Variants in DNAH7 observed in about 807,000 individuals in gnomAD.
DNAH7 encodes the protein dynein axonemal heavy chain 7.
In DNAH7, 397 loss-of-function variants were observed where a neutral mutation model predicts 444.6. That is an observed-to-expected ratio of 0.89 (90% CI 0.82 to 0.97). The LOEUF (loss-of-function observed/expected upper bound fraction) is 0.97. Among genes scored for constraint, DNAH7 ranks in the 50% least tolerant of loss-of-function variants. The pLI, the probability that DNAH7 is intolerant of heterozygous loss-of-function variation, is 0.00. For missense variants in DNAH7, 4,902 were observed against 4,800.8 expected (o/e 1.02, Z -0.62); for synonymous variants, 1,636 against 1,624.4 (o/e 1.01, Z -0.17).
At chr2:195,882,134 C>G in intron 35 of DNAH7, 142 bp from the exon 36 acceptor site, 1 of 642,546 alleles carries the variant, frequency 1.6e-6, no homozygotes, top group Non-Finnish European at 2.6e-6. Flanking sequence ...ACTTTACACT[C>G]AGTTTGAAGG....
At chr2:195,755,526 CTG>C (rs2105910864) in intron 62 of DNAH7, among the ~76,000 whole-genome samples, 1 of 152,302 alleles carries the variant, frequency 6.6e-6, no homozygotes, top group South Asian at 2.1e-4. Context: ...TTAGTATTGA[CTG>C]TAGCATAACA....
chr2:195,763,803 T>C (rs1694451597), intron 61 of DNAH7, among the ~76,000 whole-genome samples: 3 of 151,856 alleles, frequency 2.0e-5, no homozygotes, highest in Admixed American at 2.0e-4. Context: ...CTACCAAACA[T>C]TTAAAGAAGA....
intron 58 of DNAH7, among the ~76,000 whole-genome samples, chr2:195,784,672 A>G (rs1265534729): frequency 1.4e-4 from 22 of 152,200 alleles, no homozygotes; most frequent in Admixed American, 1.4e-3. Context: ...AGAAACTGCT[A>G]AAGTATCTTC....
chr2:195,853,422 T>C lies in DNAH7; in HGVS notation c.8702A>G (p.Tyr2901Cys). ...GAGGATATCCCCAGTCAAGTTGATGTACAGCTGACCTAGCTCCAGAGCTGT... is the reference window on the plus strand; with the variant it reads ...GAGGATATCCCCAGTCAAGTTGATGCACAGCTGACCTAGCTCCAGAGCTGT... ...SHTALELGQL[Y>C]INLTGDILIS... The change falls in exon 46 of 65, where the codon TAC becomes TGC. Residue 2901 changes from tyrosine to cysteine, a missense_variant. Tyr to Cys is a radical substitution (Grantham distance 194). Transcript: ENST00000312428. The C allele has an allele frequency of 1.2e-6, 2 of 1,614,182 alleles. No homozygotes were observed. Among genetic ancestry groups the C allele is most frequent in the Non-Finnish European group, 8.5e-7 (1 of 1,180,020 alleles).
intron 2 of DNAH7, 91 bp downstream of exon 2, chr2:196,057,963 C>T: frequency 1.9e-6 from 2 of 1,064,954 alleles, no homozygotes. Flanking sequence ...AATTTAAAAT[C>T]AGAAATTCAG....
At position 195,900,706 on chromosome 2, in the gene DNAH7, TAAAAG is replaced by T. The variant is rs1304302021; in HGVS notation, c.4336-217_4336-213del. 15 of 479,122 alleles carry T rather than the reference TAAAAG, an allele frequency of 3.1e-5. No homozygotes were observed. The East Asian group carries it at 5.5e-4, about 18-fold the overall frequency. 29.7% of individuals were successfully genotyped at this position (479,122 alleles called of 1,614,324 possible). ...TAACAAATGCAAAATTTCAGGTACA[TAAAAG>T]AAATAAATTCTAGTGTACTGTAGCA... On this transcript the variant is annotated intron_variant, in intron 27 of 64. Transcript: ENST00000312428.
At chr2:195,956,238 T>C (rs1034466627) in intron 19 of DNAH7, among the ~76,000 whole-genome samples, 2 of 152,338 alleles carry the variant, frequency 1.3e-5, no homozygotes, top group African/African-American at 4.8e-5. Flanking sequence ...TCCTACCTTA[T>C]AGTATTATAT....
intron 41 of DNAH7, among the ~76,000 whole-genome samples, chr2:195,863,277 A>G (rs573287436): frequency 3.9e-5 from 6 of 152,268 alleles, no homozygotes; most frequent in Non-Finnish European, 8.8e-5. Flanking sequence ...GAGGTTCTGT[A>G]AACTTTCCAA....
chr2:195,954,092 A>G (rs945037908), intron 19 of DNAH7, among the ~76,000 whole-genome samples: 2 of 152,084 alleles, frequency 1.3e-5, no homozygotes, highest in Admixed American at 6.6e-5. Context: ...TTTGTTACAT[A>G]TGTATACATG....
At position 195,957,410 on chromosome 2, in the gene DNAH7, G is replaced by A; in HGVS notation, c.2929C>T (p.Leu977=). The change falls in exon 19 of 65, where the codon CTG becomes TTG. Residue 977 remains leucine (L), a synonymous_variant. Coordinates refer to ENST00000312428, the MANE Select transcript of DNAH7 (RefSeq NM_018897.3). ...GCTTGGACTTTGAGCCATTCATCCA[G>A]AATCTCCTGAAGCAGTAGGAGCTTG... ...EGKLLLLQEI[L]DEWLKVQATW... is the part of the protein sequence containing the mutation. 6.3e-7 allele frequency: 1 copy of A among 1,593,908 alleles called. No individual in the cohort carries two copies. Among genetic ancestry groups the A allele is most frequent in the Non-Finnish European group, 8.6e-7 (1 of 1,165,200 alleles).
intron 24 of DNAH7, among the ~76,000 whole-genome samples, chr2:195,913,225 G>A (rs755046011): frequency 7.2e-5 from 11 of 152,040 alleles, no homozygotes; most frequent in Non-Finnish European, 1.3e-4. Flanking sequence ...TTAGTATTTG[G>A]AATATAAGAG....
intron 60 of DNAH7, among the ~76,000 whole-genome samples, chr2:195,775,219 T>C (rs1695008082): frequency 6.6e-6 from 1 of 152,252 alleles, no homozygotes; most frequent in Non-Finnish European, 1.5e-5. Context: ...TTCTGGTGTC[T>C]TTGCAGATTG....
chr2:195,996,119 A>C (rs1693678250), intron 12 of DNAH7, among the ~76,000 whole-genome samples: 1 of 152,172 alleles, frequency 6.6e-6, no homozygotes, highest in African/African-American at 2.4e-5. Flanking sequence ...ACTAGAGTGC[A>C]ATGTCATATC....
chr2:195,743,288 C>T (rs939519555), intron 63 of DNAH7, among the ~76,000 whole-genome samples: 3 of 152,244 alleles, frequency 2.0e-5, no homozygotes, highest in African/African-American at 4.8e-5. Flanking sequence ...CCTTAACTTG[C>T]AGACGGCTTA....
At chr2:195,852,582 T>C (rs1235043050) in intron 46 of DNAH7, among the ~76,000 whole-genome samples, 2 of 152,202 alleles carry the variant, frequency 1.3e-5, no homozygotes, top group African/African-American at 4.8e-5. Flanking sequence ...CAGTTCCATT[T>C]TTCTAAAAAG....
chr2:195,984,148 C>T (rs891943494), intron 15 of DNAH7, among the ~76,000 whole-genome samples: 8 of 152,130 alleles, frequency 5.3e-5, no homozygotes, highest in Admixed American at 3.9e-4. Context: ...CCCAGATGAG[C>T]CTGCTGGGGC....
rs114332090 is a variant in DNAH7 at position 195,870,382 on chromosome 2, G to T, written c.6633+1868C>A. Among the ~76,000 whole-genome samples, 359 of 152,252 alleles carry T rather than the reference G, an allele frequency of 2.4e-3. 1 individual carries two copies. Among genetic ancestry groups the T allele is most frequent in the African/African-American group, 8.2e-3 (342 of 41,538 alleles). ...AAAGGGGGTATTTCAGCAAAAATCT[G>T]AAGGAAGGAAGTGGGCAAGCCTGCA... On this transcript the variant is annotated intron_variant, in intron 40 of 64. Transcript: ENST00000312428.
intron 24 of DNAH7, among the ~76,000 whole-genome samples, chr2:195,915,667 C>G (rs1463753624): frequency 6.6e-6 from 1 of 152,168 alleles, no homozygotes; most frequent in African/African-American, 2.4e-5. Flanking sequence ...GAGGTCAAAT[C>G]CTGACATAAA....
chr2:195,920,089 C>G (rs1452492935), intron 24 of DNAH7, among the ~76,000 whole-genome samples: 1 of 152,074 alleles, frequency 6.6e-6, no homozygotes, highest in Non-Finnish European at 1.5e-5. Flanking sequence ...CTCAGTGTTT[C>G]TAGCCCATTC....
Sources: allele counts gnomAD v4.1 joint callset (sites outside exome capture counted in the v4.1 genomes callset), GRCh38; gene constraint gnomAD v4.1.1; transcripts MANE v1.5; gene names NCBI Gene and HGNC (gene_info 2026-07-23, HGNC 2026-07-21).